Variants in BMPR1B observed in about 807,000 individuals in gnomAD.
The protein encoded by BMPR1B is bone morphogenetic protein receptor type 1B, also known as bone morphogenetic protein receptor type-1B.
BMPR1B carries 12 observed loss-of-function variants against 59.1 expected under a neutral mutation model. The observed-to-expected ratio is 0.20, with a 90% CI of 0.13 to 0.33. The LOEUF (loss-of-function observed/expected upper bound fraction) is 0.33, where lower values mean the gene tolerates loss of function less well. BMPR1B is among the 10% of genes least tolerant of loss of function. BMPR1B has a pLI of 1.00. For missense variants in BMPR1B, 550 were observed against 610.9 expected (o/e 0.90, Z 1.05); for synonymous variants, 237 against 207.3 (o/e 1.14, Z -1.23).
chr4:94,836,815 AG>A (rs903754261), intron 1 of BMPR1B, among the ~76,000 whole-genome samples: 1 of 149,044 alleles, frequency 6.7e-6, no homozygotes, highest in Non-Finnish European at 1.5e-5. Context: ...TTGGTGTTTT[AG>A]ACATGAAGTC....
chr4:94,807,160 T>C (rs371426280), intron 1 of BMPR1B, among the ~76,000 whole-genome samples: 2 of 152,274 alleles, frequency 1.3e-5, no homozygotes, highest in South Asian at 4.1e-4. Context: ...AGTGGTGTGA[T>C]CTCTGCTCAC....
Position 95,039,484 on chromosome 4 carries a change from G to A in BMPR1B, c.-18+43350G>A, listed in dbSNP as rs559363176. ...CATCCAAACCAATCCCCAGTGTTCT[G>A]AAAGTTTTCCATGTGTAGAATCTGT... On this transcript the variant is annotated intron_variant, in intron 3 of 12. Coordinates refer to ENST00000515059, the MANE Select transcript of BMPR1B (RefSeq NM_001203.3). 4.0e-3 allele frequency among the ~76,000 whole-genome samples: 591 copies of A among 146,914 alleles called. 4 individuals are homozygous for A. The highest frequency in any genetic ancestry group is 6.2e-3 in the Admixed American group (91 of 14,710).
At position 95,067,825 on chromosome 4, in the gene BMPR1B, A is replaced by C. The variant is rs148679114; in HGVS notation, c.-17-36583A>C. Among the ~76,000 whole-genome samples the C allele has an allele frequency of 6.6e-5, 10 of 152,288 alleles. No individual in the cohort carries two copies. The East Asian group carries it at 1.9e-3, about 29-fold the overall frequency. ...GAAATGCCCTGTGGATTTAAGGAAA[A>C]CATTCCCAGATGGAGGTCGCGGGGG... On this transcript the variant is annotated intron_variant, in intron 3 of 12. Transcript: ENST00000515059.
intron 3 of BMPR1B, among the ~76,000 whole-genome samples, chr4:95,073,838 T>C (rs1185449737): frequency 6.6e-6 from 1 of 152,176 alleles, no homozygotes; most frequent in Non-Finnish European, 1.5e-5. Context: ...CTAATGAATA[T>C]TTATGAAGTC....
At position 95,153,302 on chromosome 4, in the gene BMPR1B, A is replaced by G. The variant is rs563080772; in HGVS notation, c.1383+529A>G. Among the ~76,000 whole-genome samples the G allele has an allele frequency of 2.0e-5, 3 of 152,306 alleles. No homozygotes were observed. In the South Asian group the frequency reaches 6.2e-4, roughly 32 times the overall value. ...CTAAGGCTGTAGTGGTGAAACCTACATAGGTCTGGAAAGCAGCGGCTAGTA... is the reference window on the plus strand; with the variant it reads ...CTAAGGCTGTAGTGGTGAAACCTACGTAGGTCTGGAAAGCAGCGGCTAGTA... On this transcript the variant is annotated intron_variant, in intron 12 of 12. Transcript: ENST00000515059.
At position 95,156,079 on chromosome 4, in the gene BMPR1B, G is replaced by C. The variant is rs1026778230; in HGVS notation, c.*1406G>C. 6.6e-6 allele frequency: 1 copy of C among 151,962 alleles called. No homozygotes were observed. Among genetic ancestry groups the C allele is most frequent in the African/African-American group, 2.4e-5 (1 of 41,372 alleles). 9.4% of individuals were successfully genotyped at this position (151,962 alleles called of 1,614,324 possible). On this transcript the variant is annotated 3_prime_UTR_variant, in exon 13 of 13. Coordinates refer to ENST00000515059, the MANE Select transcript of BMPR1B (RefSeq NM_001203.3). ...TAATTTATTATATTTTCTCTTCTGT[G>C]GCACTTATACAAAATATCTCTTCAC...
At chr4:94,943,024 C>A (rs758835206) in intron 2 of BMPR1B, among the ~76,000 whole-genome samples, 1 of 152,104 alleles carries the variant, frequency 6.6e-6, no homozygotes, top group Non-Finnish European at 1.5e-5. Context: ...TTCCCTTTAA[C>A]TAGAAAATTA....
chr4:95,005,880 A>T (rs1167591468), intron 3 of BMPR1B, among the ~76,000 whole-genome samples: 1 of 152,200 alleles, frequency 6.6e-6, no homozygotes, highest in African/African-American at 2.4e-5. Context: ...ATAAAATGTA[A>T]AACTGCAATT....
chr4:94,917,249 C>A (rs1297778046), intron 2 of BMPR1B, among the ~76,000 whole-genome samples: 1 of 152,216 alleles, frequency 6.6e-6, no homozygotes, highest in East Asian at 1.9e-4. Flanking sequence ...CCCAGTGGGG[C>A]ACTGTCTAGT....
chr4:95,005,024 A>G (rs562976278), intron 3 of BMPR1B, among the ~76,000 whole-genome samples: 6 of 152,298 alleles, frequency 3.9e-5, no homozygotes, highest in South Asian at 2.1e-4. Context: ...AGCCATTGCA[A>G]TATAAAGTTG....
Position 94,867,678 on chromosome 4 carries a change from G to A in BMPR1B, c.-182-8153G>A, listed in dbSNP as rs114700729. 5.1e-3 allele frequency among the ~76,000 whole-genome samples: 770 copies of A among 152,204 alleles called. 8 individuals carry two copies. The highest frequency in any genetic ancestry group is 0.017 in the African/African-American group (694 of 41,518). ...AAACATTTTAGAGTTTCCCTGGGAC[G>A]TATGGAACTTTTTACAATTTCTGGA... is the stretch of plus-strand genomic sequence containing the variant. On this transcript the variant is annotated intron_variant, in intron 1 of 12. Transcript: ENST00000515059.
chr4:94,802,660 A>G (rs567807956), intron 1 of BMPR1B, among the ~76,000 whole-genome samples: 1 of 152,274 alleles, frequency 6.6e-6, no homozygotes, highest in South Asian at 2.1e-4. Flanking sequence ...TGGGGTCACA[A>G]AATTCACTTA....
intron 1 of BMPR1B, among the ~76,000 whole-genome samples, chr4:94,843,296 A>G (rs1274201305): frequency 1.3e-5 from 2 of 152,196 alleles, no homozygotes; most frequent in African/African-American, 2.4e-5. Context: ...TATCAAAACA[A>G]TTTGTGGTGA....
At chr4:94,977,384 T>G in intron 2 of BMPR1B, among the ~76,000 whole-genome samples, 1 of 152,204 alleles carries the variant, frequency 6.6e-6, no homozygotes, top group East Asian at 1.9e-4. Context: ...GGTATTTTAT[T>G]TTTCCCTTGA....
chr4:94,971,439 G>C (rs1730788701), intron 2 of BMPR1B, among the ~76,000 whole-genome samples: 2 of 152,182 alleles, frequency 1.3e-5, no homozygotes, highest in Non-Finnish European at 1.5e-5. Flanking sequence ...GTTAATTGTA[G>C]TGCTAAGTTT....
At chr4:94,906,788 T>C (rs953873255) in intron 2 of BMPR1B, among the ~76,000 whole-genome samples, 28 of 152,184 alleles carry the variant, frequency 1.8e-4, no homozygotes, top group African/African-American at 6.5e-4. Flanking sequence ...CAAAGAGTAA[T>C]TAGCTAACAG....
intron 2 of BMPR1B, among the ~76,000 whole-genome samples, chr4:94,973,149 C>T (rs369997636): frequency 3.5e-4 from 53 of 152,246 alleles, no homozygotes; most frequent in African/African-American, 1.2e-3. Context: ...CCTGAAACCC[C>T]AGAGGGTGTG....
At chr4:94,950,711 A>G (rs918145458) in intron 2 of BMPR1B, among the ~76,000 whole-genome samples, 1 of 152,104 alleles carries the variant, frequency 6.6e-6, no homozygotes, top group South Asian at 2.1e-4. Flanking sequence ...GTATAGTTTG[A>G]AGTCAGGTAG....
At chr4:94,983,271 T>C (rs1409245581) in intron 2 of BMPR1B, among the ~76,000 whole-genome samples, 1 of 152,182 alleles carries the variant, frequency 6.6e-6, no homozygotes, top group Non-Finnish European at 1.5e-5. Flanking sequence ...TATTATCACA[T>C]TCATTTGTTA....
Sources: allele counts gnomAD v4.1 joint callset (sites outside exome capture counted in the v4.1 genomes callset), GRCh38; gene constraint gnomAD v4.1.1; transcripts MANE v1.5; gene names NCBI Gene and HGNC (gene_info 2026-07-23, HGNC 2026-07-21).